Variants in NRXN1 observed in about 807,000 individuals in gnomAD.
NRXN1 encodes neurexin-1.
Under a neutral mutation model 150.9 loss-of-function variants are expected in NRXN1, and 39 were observed. That is an observed-to-expected ratio of 0.26 (90% CI 0.20 to 0.34). The LOEUF is 0.34. NRXN1 is among the 10% of genes least tolerant of loss of function. NRXN1 has a pLI of 1.00. For synonymous variants in NRXN1, 924 were observed against 757.0 expected (o/e 1.22, Z -3.62); for missense variants, 1,815 against 1,949.9 (o/e 0.93, Z 1.30).
intron 17 of NRXN1, among the ~76,000 whole-genome samples, chr2:50,460,577 G>T (rs527509055): frequency 6.6e-6 from 1 of 151,970 alleles, no homozygotes; most frequent in Admixed American, 6.6e-5. Context: ...CTACTTTTAT[G>T]ATGTCAATTC....
At chr2:50,074,513 G>A (rs530745335) in intron 19 of NRXN1, among the ~76,000 whole-genome samples, 1 of 152,222 alleles carries the variant, frequency 6.6e-6, no homozygotes, top group South Asian at 2.1e-4. Flanking sequence ...AATATGTAAT[G>A]TCTGTAAAGT....
At chr2:50,424,948 T>C (rs139094987) in intron 17 of NRXN1, among the ~76,000 whole-genome samples, 30 of 152,332 alleles carry the variant, frequency 2.0e-4, no homozygotes, top group Admixed American at 3.9e-4. Context: ...TCATTCTACA[T>C]TTAGTAACAA....
intron 17 of NRXN1, among the ~76,000 whole-genome samples, chr2:50,309,095 C>A (rs896656481): frequency 7.9e-5 from 12 of 152,156 alleles, no homozygotes; most frequent in Non-Finnish European, 1.3e-4. Context: ...TAATACTTTA[C>A]AGCTGAGTAT....
intron 5 of NRXN1, among the ~76,000 whole-genome samples, chr2:50,685,617 G>A (rs1169945232): frequency 6.6e-6 from 1 of 151,894 alleles, no homozygotes; most frequent in Non-Finnish European, 1.5e-5. Context: ...ATGAGTATAG[G>A]ATCCCTTAAG....
intron 5 of NRXN1, among the ~76,000 whole-genome samples, chr2:50,868,512 A>G (rs1264879056): frequency 6.6e-6 from 1 of 151,680 alleles, no homozygotes; most frequent in East Asian, 2.0e-4. Flanking sequence ...ACTATGCAAT[A>G]TATCCCTGTA....
At chr2:50,656,551 T>C (rs1686493911) in intron 5 of NRXN1, 4 of 580,466 alleles carry the variant, frequency 6.9e-6, no homozygotes, top group Non-Finnish European at 1.3e-5. Flanking sequence ...TTATTTTGTA[T>C]ACAAAAGAAT....
intron 17 of NRXN1, among the ~76,000 whole-genome samples, chr2:50,289,531 T>G (rs2152941777): frequency 6.6e-6 from 1 of 152,242 alleles, no homozygotes; most frequent in African/African-American, 2.4e-5. Flanking sequence ...AACCAGAAAC[T>G]GATATATTTG....
At chr2:50,795,607 T>C (rs547607458) in intron 5 of NRXN1, among the ~76,000 whole-genome samples, 2 of 151,984 alleles carry the variant, frequency 1.3e-5, no homozygotes, top group Non-Finnish European at 2.9e-5. Flanking sequence ...TATAATTCTG[T>C]AACTCTGATC....
At chr2:50,837,470 A>T (rs1273150685) in intron 5 of NRXN1, among the ~76,000 whole-genome samples, 1 of 152,002 alleles carries the variant, frequency 6.6e-6, no homozygotes, top group African/African-American at 2.4e-5. Context: ...ATTTGTTGAG[A>T]CTCATTTTCT....
chr2:50,286,412 A>G (rs900210257), intron 17 of NRXN1, among the ~76,000 whole-genome samples: 10 of 152,272 alleles, frequency 6.6e-5, no homozygotes, highest in South Asian at 2.1e-4. Flanking sequence ...AGCTATTTCA[A>G]TTCACATAAT....
At chr2:50,520,404 T>G (rs940693159) in intron 12 of NRXN1, among the ~76,000 whole-genome samples, 1 of 151,932 alleles carries the variant, frequency 6.6e-6, no homozygotes, top group African/African-American at 2.4e-5. Flanking sequence ...TTACCCACTT[T>G]TGATTTTTTA....
intron 18 of NRXN1, among the ~76,000 whole-genome samples, chr2:50,142,658 C>G (rs148216276): frequency 6.6e-6 from 1 of 151,804 alleles, no homozygotes; most frequent in African/African-American, 2.4e-5. Context: ...TTTCATATAA[C>G]TTTAGTAAGA....
intron 18 of NRXN1, among the ~76,000 whole-genome samples, chr2:50,148,334 A>G (rs1322720331): frequency 6.6e-6 from 1 of 151,550 alleles, no homozygotes. Context: ...TCCAAAGCTA[A>G]TATTAGCTTC....
chr2:50,973,172 T>C (rs143105378), intron 2 of NRXN1, among the ~76,000 whole-genome samples: 20 of 152,298 alleles, frequency 1.3e-4, no homozygotes, highest in Non-Finnish European at 8.8e-5. Context: ...TCCAAATGCA[T>C]TGCAACTAGA....
Position 50,888,792 on chromosome 2 carries a change from G to T in NRXN1, c.832+33077C>A, listed in dbSNP as rs557935839. On this transcript the variant is annotated intron_variant, in intron 5 of 22. Coordinates refer to ENST00000401669, the MANE Select transcript of NRXN1 (RefSeq NM_001330078.2). ...ATTTGAATTCTGTGGCTTAACTCTT[G>T]TTTGATTTTCATATGATAATTAGCA... Among the ~76,000 whole-genome samples, 7 of 150,568 alleles carry T rather than the reference G, an allele frequency of 4.6e-5. No homozygotes were observed. In the East Asian group the frequency reaches 1.4e-3, roughly 29 times the overall value.
At chr2:50,336,751 G>A (rs914418628) in intron 17 of NRXN1, among the ~76,000 whole-genome samples, 4 of 152,162 alleles carry the variant, frequency 2.6e-5, no homozygotes, top group African/African-American at 9.7e-5. Context: ...TACTCTTGGT[G>A]TGCCGACAGA....
intron 18 of NRXN1, among the ~76,000 whole-genome samples, chr2:50,149,042 T>C (rs2058541191): frequency 6.6e-6 from 1 of 151,758 alleles, no homozygotes; most frequent in African/African-American, 2.4e-5. Flanking sequence ...CATAAAGTAG[T>C]GAAAATAGAG....
chr2:50,975,214 T>G (rs1432275549), intron 2 of NRXN1, among the ~76,000 whole-genome samples: 1 of 152,152 alleles, frequency 6.6e-6, no homozygotes, highest in East Asian at 1.9e-4. Flanking sequence ...CTTTAAATAA[T>G]TTTCTCAACT....
intron 5 of NRXN1, among the ~76,000 whole-genome samples, chr2:50,848,967 A>G (rs902892410): frequency 1.3e-5 from 2 of 152,184 alleles, no homozygotes; most frequent in African/African-American, 4.8e-5. Context: ...TTCCCCACAT[A>G]CAGCGCCTTC....
Sources: gnomAD v4.1 joint callset for allele counts (sites outside exome capture counted in the v4.1 genomes callset) on GRCh38, gnomAD v4.1.1 for gene constraint, MANE v1.5 for transcripts, NCBI Gene and HGNC (gene_info 2026-07-23, HGNC 2026-07-21) for gene names.